GRM8: variants seen among roughly 807,000 people sequenced by gnomAD.
The protein encoded by GRM8 is metabotropic glutamate receptor 8.
GRM8 carries 47 observed loss-of-function variants against 87.2 expected under a neutral mutation model. The ratio of observed to expected loss-of-function variants is 0.54; its 90% CI spans 0.43 to 0.69. The LOEUF (loss-of-function observed/expected upper bound fraction) is 0.69, where lower values mean the gene tolerates loss of function less well. Among genes scored for constraint, GRM8 ranks in the 30% least tolerant of loss-of-function variants. The probability of loss-of-function intolerance (pLI) is 0.00; values close to 1 mark genes in which losing one functional copy is unlikely to be tolerated. For missense variants in GRM8, 1,019 were observed against 1,139.2 expected (o/e 0.89, Z 1.52); for synonymous variants, 396 against 404.5 (o/e 0.98, Z 0.25).
chr7:126,656,211 A>G (rs1804509886), intron 7 of GRM8, among the ~76,000 whole-genome samples: 1 of 152,182 alleles, frequency 6.6e-6, no homozygotes, highest in African/African-American at 2.4e-5. Flanking sequence ...TAACTAGAGT[A>G]ACTTGCTGAC....
intron 7 of GRM8, among the ~76,000 whole-genome samples, chr7:126,752,298 C>T (rs1386026973): frequency 1.3e-5 from 2 of 151,378 alleles, no homozygotes; most frequent in Admixed American, 1.3e-4. Flanking sequence ...AAAGCAAGAC[C>T]AAGTCTCTAA....
chr7:126,521,917 C>T (rs1221555041), intron 9 of GRM8, among the ~76,000 whole-genome samples: 1 of 152,152 alleles, frequency 6.6e-6, no homozygotes, highest in African/African-American at 2.4e-5. Flanking sequence ...TCATAATCTA[C>T]CAGATACTCA....
At chr7:127,163,500 C>T (rs1171379286) in intron 2 of GRM8, among the ~76,000 whole-genome samples, 1 of 152,208 alleles carries the variant, frequency 6.6e-6, no homozygotes, top group Non-Finnish European at 1.5e-5. Flanking sequence ...GTAACTAGGG[C>T]ATGGGTGCTT....
At chr7:127,108,580 A>G (rs1397888648) in intron 2 of GRM8, among the ~76,000 whole-genome samples, 2 of 151,906 alleles carry the variant, frequency 1.3e-5, no homozygotes, top group African/African-American at 4.8e-5. Flanking sequence ...GACTTACACA[A>G]CTCCCACCCT....
intron 3 of GRM8, among the ~76,000 whole-genome samples, chr7:126,925,417 G>A (rs1383189758): frequency 1.3e-5 from 2 of 152,038 alleles, no homozygotes; most frequent in African/African-American, 4.8e-5. Flanking sequence ...GCAATCTGTG[G>A]GAAAGCTGAA....
At chr7:127,232,183 T>TTG (rs71529431) in intron 2 of GRM8, among the ~76,000 whole-genome samples, 9,798 of 129,590 alleles carry the variant, frequency 0.076, 361 homozygotes, top group African/African-American at 0.095. Context: ...TGTTTCTTCT[T>TTG]TGTGTGTGTG....
In GRM8 at chr7:126,956,113, C is replaced by T. The variant is rs1338827357; in HGVS notation, c.728-51430G>A. Among the ~76,000 whole-genome samples the T allele has an allele frequency of 3.3e-5, 5 of 152,060 alleles. No homozygotes were observed. The East Asian group carries it at 9.6e-4, about 29-fold the overall frequency. On this transcript the variant is annotated intron_variant, in intron 3 of 10. Coordinates refer to ENST00000339582, the MANE Select transcript of GRM8 (RefSeq NM_000845.3). Reference sequence around the variant, plus strand: ...TATTATCAACTACCTAAAATATAAACAGCACTTTAAAGCTTTGGGAACAAA... The same window carrying T: ...TATTATCAACTACCTAAAATATAAATAGCACTTTAAAGCTTTGGGAACAAA...
intron 9 of GRM8, among the ~76,000 whole-genome samples, chr7:126,468,190 C>T (rs1416261482): frequency 6.6e-6 from 1 of 151,914 alleles, no homozygotes. Flanking sequence ...GCCTACAATC[C>T]CAGAGAGACA....
intron 9 of GRM8, among the ~76,000 whole-genome samples, chr7:126,466,996 TTTA>T (rs1217316702): frequency 6.6e-6 from 1 of 151,780 alleles, no homozygotes; most frequent in East Asian, 1.9e-4. Flanking sequence ...TAAACATTCT[TTTA>T]TTATTATTAT....
At chr7:126,464,457 C>T (rs1804262951) in intron 9 of GRM8, among the ~76,000 whole-genome samples, 1 of 151,672 alleles carries the variant, frequency 6.6e-6, no homozygotes, top group Admixed American at 6.6e-5. Context: ...AGATTTTAGC[C>T]TATTTACATT....
chr7:127,130,100 A>T (rs1827599131), intron 2 of GRM8, among the ~76,000 whole-genome samples: 1 of 152,174 alleles, frequency 6.6e-6, no homozygotes, highest in South Asian at 2.1e-4. Flanking sequence ...GCCATGTATG[A>T]CATGCCTTCC....
intron 9 of GRM8, among the ~76,000 whole-genome samples, chr7:126,476,149 C>A (rs1283831219): frequency 6.6e-6 from 1 of 152,122 alleles, no homozygotes; most frequent in Non-Finnish European, 1.5e-5. Context: ...GTAATCCCAG[C>A]AACTCAGGAG....
rs79176683 is a variant in GRM8, at chr7:127,124,167, G to T, written c.511-17455C>A. ...AACTCCAGCTCTCAAGCTAATATTTGTCTACCTTTTACAACCAAACTTTAA... is the reference window on the plus strand; with the variant it reads ...AACTCCAGCTCTCAAGCTAATATTTTTCTACCTTTTACAACCAAACTTTAA... On this transcript the variant is annotated intron_variant, in intron 2 of 10. Coordinates refer to ENST00000339582, the MANE Select transcript of GRM8 (RefSeq NM_000845.3). 2.3e-4 allele frequency among the ~76,000 whole-genome samples: 35 copies of T among 152,156 alleles called. 1 individual carries two copies. In the East Asian group the frequency reaches 6.8e-3, roughly 29 times the overall value.
At chr7:127,044,953 A>C (rs926685616) in intron 3 of GRM8, among the ~76,000 whole-genome samples, 1 of 152,216 alleles carries the variant, frequency 6.6e-6, no homozygotes, top group Non-Finnish European at 1.5e-5. Context: ...TTTTTATTTT[A>C]AAAAAGTTGC....
At chr7:126,969,582 TC>T (rs1810210392) in intron 3 of GRM8, among the ~76,000 whole-genome samples, 2 of 152,262 alleles carry the variant, frequency 1.3e-5, no homozygotes, top group Admixed American at 1.3e-4. Context: ...CTAGTTCTCT[TC>T]TTATTTCCAC....
intron 7 of GRM8, among the ~76,000 whole-genome samples, chr7:126,734,629 T>C (rs975855075): frequency 6.6e-6 from 1 of 151,876 alleles, no homozygotes; most frequent in South Asian, 2.1e-4. Flanking sequence ...ATTTCATAAC[T>C]TACAACACAA....
At chr7:127,167,858 C>T (rs1331458976) in intron 2 of GRM8, among the ~76,000 whole-genome samples, 1 of 152,056 alleles carries the variant, frequency 6.6e-6, no homozygotes. Flanking sequence ...AAGCCTCTCA[C>T]TATAAATCAA....
chr7:127,126,085 A>C (rs1161117130), intron 2 of GRM8, among the ~76,000 whole-genome samples: 1 of 152,114 alleles, frequency 6.6e-6, no homozygotes. Context: ...CAAAGAATTA[A>C]AAGTAGAACT....
At chr7:127,204,549 T>C (rs184029926) in intron 2 of GRM8, among the ~76,000 whole-genome samples, 1 of 152,350 alleles carries the variant, frequency 6.6e-6, no homozygotes, top group Admixed American at 6.5e-5. Flanking sequence ...CTGTCTTTAT[T>C]TCCATGATGC....
Sources: gnomAD v4.1 joint callset for allele counts (sites outside exome capture counted in the v4.1 genomes callset) on GRCh38, gnomAD v4.1.1 for gene constraint, MANE v1.5 for transcripts, NCBI Gene and HGNC (gene_info 2026-07-23, HGNC 2026-07-21) for gene names.